Variants in HECW2 observed in about 807,000 individuals in gnomAD.
HECW2 encodes the protein HECT, C2 and WW domain containing E3 ubiquitin protein ligase 2, also known as E3 ubiquitin-protein ligase HECW2.
In HECW2, 61 loss-of-function variants were observed where a neutral mutation model predicts 175.2. That is an observed-to-expected ratio of 0.35 (90% CI 0.28 to 0.43). HECW2 has a LOEUF of 0.43. HECW2 is among the 20% of genes least tolerant of loss of function. The pLI is 1.00. For synonymous variants in HECW2, 671 were observed against 731.0 expected (o/e 0.92, Z 1.32); for missense variants, 1,524 against 2,000.5 (o/e 0.76, Z 4.54).
At chr2:196,479,589 C>T (rs573125925) in intron 1 of HECW2, among the ~76,000 whole-genome samples, 1 of 152,324 alleles carries the variant, frequency 6.6e-6, no homozygotes, top group Admixed American at 6.5e-5. Flanking sequence ...TGCATTCTGT[C>T]TCATTGGCTG....
chr2:196,331,749 C>T (rs953056681), intron 4 of HECW2, among the ~76,000 whole-genome samples: 2 of 152,196 alleles, frequency 1.3e-5, no homozygotes, highest in African/African-American at 4.8e-5. Flanking sequence ...TGGCAAAATG[C>T]TCATCTGAAA....
At chr2:196,567,674 C>T (rs899859389) in intron 1 of HECW2, among the ~76,000 whole-genome samples, 8 of 152,188 alleles carry the variant, frequency 5.3e-5, no homozygotes, top group Admixed American at 2.0e-4. Context: ...AATTAATTAT[C>T]TAACGCTGAT....
intron 13 of HECW2, among the ~76,000 whole-genome samples, chr2:196,297,688 C>G (rs1690871588): frequency 6.6e-6 from 1 of 152,182 alleles, no homozygotes; most frequent in Admixed American, 6.5e-5. Flanking sequence ...CAAGAATAGG[C>G]ATTCTGAATT....
At chr2:196,559,882 T>G (rs1347668660) in intron 1 of HECW2, among the ~76,000 whole-genome samples, 1 of 152,164 alleles carries the variant, frequency 6.6e-6, no homozygotes, top group East Asian at 1.9e-4. Flanking sequence ...ACAATAAATA[T>G]CTGAATTCCT....
chr2:196,466,858 T>C (rs892886849), intron 1 of HECW2, among the ~76,000 whole-genome samples: 2 of 152,246 alleles, frequency 1.3e-5, no homozygotes, highest in African/African-American at 4.8e-5. Flanking sequence ...AGTTCTATGA[T>C]GAGAGTGATA....
intron 19 of HECW2, among the ~76,000 whole-genome samples, chr2:196,248,183 A>G (rs1575290508): frequency 6.6e-6 from 1 of 152,204 alleles, no homozygotes. Context: ...GTTCATGTAC[A>G]TACCATTTAT....
intron 1 of HECW2, among the ~76,000 whole-genome samples, chr2:196,541,543 G>A (rs964584025): frequency 1.7e-4 from 26 of 152,098 alleles, no homozygotes; most frequent in Admixed American, 1.0e-3. Flanking sequence ...CACGGAGGAA[G>A]GCTTATGGGT....
In HECW2 at chr2:196,220,781, C is replaced by T; in HGVS notation, c.4293+14G>A. The T allele has an allele frequency of 6.2e-7, 1 of 1,613,756 alleles. No individual in the cohort carries two copies. The highest frequency in any genetic ancestry group is 8.5e-7 in the Non-Finnish European group (1 of 1,179,740). On this transcript the variant is annotated intron_variant, in intron 25 of 28. Coordinates refer to ENST00000644978, the MANE Select transcript of HECW2 (RefSeq NM_001348768.2). ...ATCAGACTGCAAACTCCTCCTACTG[C>T]TGATTGTCTTTACCTCATAGAAGCC...
chr2:196,328,327 AT>A (rs1323379063), intron 5 of HECW2, among the ~76,000 whole-genome samples: 1 of 152,160 alleles, frequency 6.6e-6, no homozygotes, highest in African/African-American at 2.4e-5. Flanking sequence ...AAACCTAGAT[AT>A]TTTTTAAACC....
chr2:196,313,648 T>C (rs2105735752), intron 10 of HECW2, among the ~76,000 whole-genome samples: 1 of 151,984 alleles, frequency 6.6e-6, no homozygotes, highest in East Asian at 1.9e-4. Flanking sequence ...CTTCTTGAGA[T>C]GGGAGAAATA....
intron 19 of HECW2, 130 bp from the exon 20 acceptor site, chr2:196,242,334 G>T (rs1352826086): frequency 1.1e-5 from 13 of 1,199,836 alleles, no homozygotes; most frequent in Non-Finnish European, 1.5e-5. Flanking sequence ...CTGCATTTTT[G>T]ATTTCTGCAA....
At chr2:196,374,929 G>C (rs1460676220) in intron 2 of HECW2, among the ~76,000 whole-genome samples, 1 of 151,888 alleles carries the variant, frequency 6.6e-6, no homozygotes, top group African/African-American at 2.4e-5. Flanking sequence ...TTGGGAGGTC[G>C]AGGTGGGCAG....
chr2:196,194,368 T>C lies in HECW2; in HGVS notation c.*6909A>G, dbSNP rs1194564089. ...CAAAAGTATTACAGAAAAGTCATAATCTATTTTTTTTAAAGAAGATTTATT... is the reference window on the plus strand; with the variant it reads ...CAAAAGTATTACAGAAAAGTCATAACCTATTTTTTTTAAAGAAGATTTATT... On this transcript the variant is annotated 3_prime_UTR_variant, in exon 29 of 29. Coordinates refer to ENST00000644978, the MANE Select transcript of HECW2 (RefSeq NM_001348768.2). 6.6e-6 allele frequency: 1 copy of C among 152,052 alleles called. No individual in the cohort carries two copies. Among genetic ancestry groups the C allele is most frequent in the African/African-American group, 2.4e-5 (1 of 41,440 alleles). 9.4% of individuals were successfully genotyped at this position (152,052 alleles called of 1,614,324 possible). A position where few individuals can be genotyped will look rare whatever the true frequency, so the allele number is the denominator to read the frequency against.
intron 1 of HECW2, among the ~76,000 whole-genome samples, chr2:196,487,477 C>T (rs1687048714): frequency 6.6e-6 from 1 of 152,070 alleles, no homozygotes; most frequent in Non-Finnish European, 1.5e-5. Flanking sequence ...GAAAATGTAA[C>T]CTTATCCAGA....
intron 13 of HECW2, among the ~76,000 whole-genome samples, chr2:196,299,109 C>A (rs74919003): frequency 0.092 from 13,989 of 152,056 alleles, 1,351 homozygotes; most frequent in African/African-American, 0.25. Flanking sequence ...ATAATACTTC[C>A]TAAACCCACA....
At position 196,228,347 on chromosome 2, in the gene HECW2, C is replaced by T. The variant is rs1248182061; in HGVS notation, c.3765-93G>A. 7 of 1,124,028 alleles carry T rather than the reference C, an allele frequency of 6.2e-6. No homozygotes were observed. In the East Asian group the frequency reaches 1.5e-4, roughly 24 times the overall value. 69.6% of individuals were successfully genotyped at this position (1,124,028 alleles called of 1,614,324 possible). A position where few individuals can be genotyped will look rare whatever the true frequency, so the allele number is the denominator to read the frequency against. On this transcript the variant is annotated intron_variant, in intron 21 of 28. Coordinates refer to ENST00000644978, the MANE Select transcript of HECW2 (RefSeq NM_001348768.2). ...AGAGCTCAAGTTTCCATAGGATGCT[C>T]ATTACAAATCTAATTGTCCACATGC...
At chr2:196,402,025 C>T (rs997323166) in intron 2 of HECW2, among the ~76,000 whole-genome samples, 8 of 151,544 alleles carry the variant, frequency 5.3e-5, no homozygotes, top group African/African-American at 1.9e-4. Flanking sequence ...ATGGTGAAAC[C>T]GTGTCTCTAC....
In HECW2 at chr2:196,272,269, C is replaced by T. The variant is rs549186105; in HGVS notation, c.3239-980G>A. On this transcript the variant is annotated intron_variant, in intron 16 of 28. Transcript: ENST00000644978. ...AACAGCTACAACACAATCATCATCA[C>T]GAACCATGAACAAAATGTGTTTAGA... Among the ~76,000 whole-genome samples the T allele has an allele frequency of 4.6e-5, 7 of 152,290 alleles. No individual in the cohort carries two copies. In the East Asian group the frequency reaches 7.7e-4, roughly 17 times the overall value.
At chr2:196,334,950 G>A (rs1692498225) in intron 3 of HECW2, among the ~76,000 whole-genome samples, 1 of 152,154 alleles carries the variant, frequency 6.6e-6, no homozygotes, top group East Asian at 1.9e-4. Flanking sequence ...AGAAATGAGA[G>A]TCAGGACTCA....
Sources: allele counts gnomAD v4.1 joint callset (sites outside exome capture counted in the v4.1 genomes callset), GRCh38; gene constraint gnomAD v4.1.1; transcripts MANE v1.5; gene names NCBI Gene and HGNC (gene_info 2026-07-23, HGNC 2026-07-21).